CHODL: variants seen among roughly 807,000 people sequenced by gnomAD.
The protein encoded by CHODL is transmembrane protein MT75.
In CHODL, 29 loss-of-function variants were observed where a neutral mutation model predicts 34.5. The ratio of observed to expected loss-of-function variants is 0.84; its 90% CI spans 0.63 to 1.15. CHODL has a LOEUF of 1.15. CHODL is among the 50% of genes most tolerant of loss of function. CHODL has a pLI of 0.00. For synonymous variants in CHODL, 125 were observed against 116.1 expected (o/e 1.08, Z -0.49); for missense variants, 332 against 332.5 (o/e 1.00, Z 0.01).
chr21:18,206,335 A>G (rs2073711581), intron 2 of CHODL, among the ~76,000 whole-genome samples: 1 of 152,146 alleles, frequency 6.6e-6, no homozygotes, highest in Admixed American at 6.6e-5. Context: ...GTACATATAT[A>G]TTTACAATTC....
At chr21:18,125,435 A>G (rs1187246710) in intron 2 of CHODL, among the ~76,000 whole-genome samples, 1 of 152,194 alleles carries the variant, frequency 6.6e-6, no homozygotes, top group Non-Finnish European at 1.5e-5. Flanking sequence ...CAAATATAGA[A>G]TATAAAATCA....
intron 2 of CHODL, among the ~76,000 whole-genome samples, chr21:18,059,208 T>C (rs753134929): frequency 2.0e-5 from 3 of 152,130 alleles, no homozygotes; most frequent in Non-Finnish European, 2.9e-5. Flanking sequence ...AGAAAGGTCA[T>C]GTGAGGACAC....
chr21:18,076,735 G>C (rs1362271954), intron 2 of CHODL, among the ~76,000 whole-genome samples: 1 of 152,212 alleles, frequency 6.6e-6, no homozygotes, highest in Non-Finnish European at 1.5e-5. Context: ...TTGCATTACA[G>C]GTCTAGGGTG....
At chr21:18,110,274 C>T (rs1375613883) in intron 2 of CHODL, among the ~76,000 whole-genome samples, 1 of 152,086 alleles carries the variant, frequency 6.6e-6, no homozygotes, top group Non-Finnish European at 1.5e-5. Context: ...TTGTTCACAT[C>T]ATGGTGATGT....
At chr21:17,961,348 C>A (rs1193599193) in intron 1 of CHODL, among the ~76,000 whole-genome samples, 1 of 152,152 alleles carries the variant, frequency 6.6e-6, no homozygotes, top group Non-Finnish European at 1.5e-5. Flanking sequence ...ATCTTGTTGT[C>A]AATGATCAGT....
At chr21:18,006,640 T>G (rs2063964097) in intron 1 of CHODL, among the ~76,000 whole-genome samples, 1 of 152,184 alleles carries the variant, frequency 6.6e-6, no homozygotes, top group African/African-American at 2.4e-5. Context: ...GATCTTGGAG[T>G]CAGAGCAAGT....
At chr21:17,940,833 A>C (rs1370663310) in intron 1 of CHODL, among the ~76,000 whole-genome samples, 1 of 152,198 alleles carries the variant, frequency 6.6e-6, no homozygotes, top group Non-Finnish European at 1.5e-5. Flanking sequence ...CTCTATGAGC[A>C]CACTGTCAGA....
intron 1 of CHODL, among the ~76,000 whole-genome samples, chr21:17,984,095 C>T (rs1314799355): frequency 6.6e-6 from 1 of 152,180 alleles, no homozygotes; most frequent in African/African-American, 2.4e-5. Flanking sequence ...TCTCCCTCTC[C>T]ACAGCTCTTC....
intron 2 of CHODL, among the ~76,000 whole-genome samples, chr21:18,148,500 T>C (rs2072925997): frequency 1.3e-5 from 2 of 152,184 alleles, no homozygotes; most frequent in Non-Finnish European, 2.9e-5. Flanking sequence ...GTAGGTTTTA[T>C]AGAAGTTTAA....
intron 2 of CHODL, among the ~76,000 whole-genome samples, chr21:18,162,411 TTCTCTCTC>T (rs58978469): frequency 2.8e-4 from 41 of 147,918 alleles, no homozygotes; most frequent in African/African-American, 3.8e-4. Context: ...ACGTGGTGTT[TTCTCTCTC>T]TCTCTCTCTC....
chr21:18,127,027 T>C (rs1343093133), intron 2 of CHODL, among the ~76,000 whole-genome samples: 3 of 152,208 alleles, frequency 2.0e-5, no homozygotes, highest in Non-Finnish European at 4.4e-5. Flanking sequence ...AAACATGTTA[T>C]CCTTCGCGTC....
At chr21:18,192,645 A>G (rs2073524789) in intron 2 of CHODL, among the ~76,000 whole-genome samples, 1 of 152,198 alleles carries the variant, frequency 6.6e-6, no homozygotes, top group Non-Finnish European at 1.5e-5. Flanking sequence ...TTGTATAAAA[A>G]GAGACATTAG....
chr21:17,979,015 C>T (rs1324001425), intron 1 of CHODL, among the ~76,000 whole-genome samples: 1 of 152,132 alleles, frequency 6.6e-6, no homozygotes, highest in Non-Finnish European at 1.5e-5. Context: ...TTGCTTTCCT[C>T]TTCTTTTTCC....
At chr21:17,921,283 C>T (rs377208881) in intron 1 of CHODL, among the ~76,000 whole-genome samples, 9 of 152,286 alleles carry the variant, frequency 5.9e-5, no homozygotes, top group African/African-American at 1.7e-4. Flanking sequence ...TTCAACTGAT[C>T]GGATGAGCCT....
intron 2 of CHODL, among the ~76,000 whole-genome samples, chr21:18,047,449 A>T (rs2064457912): frequency 6.6e-6 from 1 of 151,970 alleles, no homozygotes; most frequent in South Asian, 2.1e-4. Context: ...GAATCTTTTC[A>T]ACTATTAAAA....
At chr21:17,961,312 A>G (rs1302489614) in intron 1 of CHODL, among the ~76,000 whole-genome samples, 1 of 152,200 alleles carries the variant, frequency 6.6e-6, no homozygotes, top group African/African-American at 2.4e-5. Flanking sequence ...AGTGCTACCT[A>G]AAAGCAAGTT....
chr21:18,079,618 C>T (rs78831767), intron 2 of CHODL, among the ~76,000 whole-genome samples: 1 of 150,222 alleles, frequency 6.7e-6, no homozygotes, highest in African/African-American at 2.4e-5. Flanking sequence ...CATATATATA[C>T]CATATGTATA....
chr21:18,189,607 G>A (rs2073486510), intron 2 of CHODL, among the ~76,000 whole-genome samples: 1 of 149,006 alleles, frequency 6.7e-6, no homozygotes. Context: ...ATGCACTTCA[G>A]ATCAACTAAT....
intron 2 of CHODL, among the ~76,000 whole-genome samples, chr21:18,232,763 A>G (rs760100692): frequency 1.3e-5 from 2 of 151,848 alleles, no homozygotes; most frequent in African/African-American, 2.4e-5. Context: ...TGAAGGAGGA[A>G]ATAAATAATG....
Sources: gnomAD v4.1 joint callset for allele counts (sites outside exome capture counted in the v4.1 genomes callset) on GRCh38, gnomAD v4.1.1 for gene constraint, MANE v1.5 for transcripts, NCBI Gene and HGNC (gene_info 2026-07-23, HGNC 2026-07-21) for gene names.